The following FRMD4B variants were observed in gnomAD, a reference collection of about 807,000 sequenced individuals.
FRMD4B encodes FERM domain containing 4B, also known as FERM domain-containing protein 4B.
FRMD4B carries 74 observed loss-of-function variants against 141.5 expected under a neutral mutation model. That is an observed-to-expected ratio of 0.52 (90% CI 0.43 to 0.63). The LOEUF is 0.63. Among genes scored for constraint, FRMD4B ranks in the 30% least tolerant of loss-of-function variants. FRMD4B has a pLI of 0.00. For synonymous variants in FRMD4B, 506 were observed against 467.9 expected (o/e 1.08, Z -1.05); for missense variants, 1,366 against 1,253.4 (o/e 1.09, Z -1.36).
At position 69,407,356 on chromosome 3, in the gene FRMD4B, A is replaced by G. The variant is rs1704666574; in HGVS notation, c.-1+25278T>C. The stretch of plus-strand genomic sequence containing the variant: ...TAGATGGGACTTAGGAATATTCTCA[A>G]TGGGGCTTAGTTCCTGGATATCTCT... On this transcript the variant is annotated intron_variant, in intron 2 of 5. Transcript: ENST00000459638. 2.0e-5 allele frequency among the ~76,000 whole-genome samples: 3 copies of G among 152,246 alleles called. No homozygotes were observed. The South Asian group carries it at 6.2e-4, about 32-fold the overall frequency.
At chr3:69,218,410 A>T in intron 9 of FRMD4B, 31 bp from the exon 10 acceptor site, 2 of 1,038,756 alleles carry the variant, frequency 1.9e-6, no homozygotes. Context: ...TCACAATCTT[A>T]TTAAAATAGT....
intron 7 of FRMD4B, among the ~76,000 whole-genome samples, chr3:69,244,775 T>C (rs1040477825): frequency 1.1e-4 from 16 of 152,120 alleles, no homozygotes; most frequent in African/African-American, 3.9e-4. Flanking sequence ...GTGCCTGTAA[T>C]CCCAGTTACT....
intron 1 of FRMD4B, among the ~76,000 whole-genome samples, chr3:69,461,936 T>C (rs1211520461): frequency 6.6e-6 from 1 of 152,130 alleles, no homozygotes; most frequent in Non-Finnish European, 1.5e-5. Context: ...AAATGATTGC[T>C]CCATTTATTT....
intron 1 of FRMD4B, among the ~76,000 whole-genome samples, chr3:69,477,754 G>C (rs1274016504): frequency 6.7e-6 from 1 of 149,312 alleles, no homozygotes; most frequent in East Asian, 2.0e-4. Context: ...TTTTTCTGTT[G>C]ATTGGAATAG....
At chr3:69,177,930 T>A (rs139697255) in intron 21 of FRMD4B, among the ~76,000 whole-genome samples, 1 of 152,072 alleles carries the variant, frequency 6.6e-6, no homozygotes, top group Non-Finnish European at 1.5e-5. Context: ...GGGGTGTGGA[T>A]TGGGGGAAGA....
chr3:69,225,519 C>CAAAAAAA (rs35855787), intron 7 of FRMD4B, among the ~76,000 whole-genome samples: 1 of 50,572 alleles, frequency 2.0e-5, no homozygotes, highest in African/African-American at 8.6e-5. Context: ...ACTAAAAATA[C>CAAAAAAA]AAAAAAAAAA....
intron 5 of FRMD4B, among the ~76,000 whole-genome samples, chr3:69,265,010 C>CTT (rs1035732435): frequency 2.0e-5 from 3 of 151,890 alleles, no homozygotes; most frequent in African/African-American, 7.3e-5. Context: ...AATCCCAACA[C>CTT]TTTGGGAGGC....
chr3:69,488,699 G>A (rs1003984135), intron 1 of FRMD4B, among the ~76,000 whole-genome samples: 44 of 151,804 alleles, frequency 2.9e-4, no homozygotes, highest in Non-Finnish European at 5.7e-4. Flanking sequence ...TCAGGAGTTC[G>A]AGACCAGCCT....
chr3:69,381,115 T>A (rs909283851), intron 1 of FRMD4B, among the ~76,000 whole-genome samples: 8 of 152,220 alleles, frequency 5.3e-5, no homozygotes, highest in Admixed American at 5.2e-4. Context: ...ATAAAGTAAG[T>A]CTTTGTTCAA....
chr3:69,232,007 G>C (rs2093310542), intron 7 of FRMD4B, among the ~76,000 whole-genome samples: 1 of 152,080 alleles, frequency 6.6e-6, no homozygotes, highest in Non-Finnish European at 1.5e-5. Context: ...CTGCACAGAA[G>C]GCCCCTCCCT....
chr3:69,225,490 A>G (rs1424144608), intron 7 of FRMD4B, among the ~76,000 whole-genome samples: 5 of 138,452 alleles, frequency 3.6e-5, no homozygotes, highest in African/African-American at 1.3e-4. Flanking sequence ...CCTGGCTAAC[A>G]CGGTGAAACC....
rs754848099 is a variant in FRMD4B, at chr3:69,176,516, T to C, written c.2984+8A>G. On this transcript the variant is annotated splice_region_variant and intron_variant, in intron 22 of 22. Transcript: ENST00000398540. ...GGCTCCTAGGATTTTCGAGCATTGCTTCCTCACCTGCTTGGAGAGGGTAAA... is the reference window on the plus strand; with the variant it reads ...GGCTCCTAGGATTTTCGAGCATTGCCTCCTCACCTGCTTGGAGAGGGTAAA... 1.9e-6 allele frequency: 3 copies of C among 1,608,970 alleles called. No homozygotes were observed. Among genetic ancestry groups the C allele is most frequent in the Non-Finnish European group, 2.6e-6 (3 of 1,175,746 alleles).
Position 69,529,542 on chromosome 3 carries a change from C to A in FRMD4B, c.-129+12664G>T, listed in dbSNP as rs575942685. On this transcript the variant is annotated intron_variant, in intron 1 of 5. Coordinates refer to the FRMD4B transcript ENST00000459638. ...CTTCCTAACCCCACTGTGCTGCCCA[C>A]ACTGCCCACTCTCTCCTCTCCACAC... Among the ~76,000 whole-genome samples, 51 of 152,256 alleles carry A rather than the reference C, an allele frequency of 3.3e-4. No individual in the cohort carries two copies. The South Asian group carries it at 9.1e-3, about 27-fold the overall frequency.
rs149498722 is a variant in FRMD4B at position 69,357,722 on chromosome 3, C to G, written c.162+28106G>C. 2.4e-4 allele frequency among the ~76,000 whole-genome samples: 36 copies of G among 152,306 alleles called. No homozygotes were observed. The East Asian group carries it at 6.2e-3, about 26-fold the overall frequency. ...TGCCAGACGCACCATAAAATCACAACAGAGGCAATGTATTGCAGTTTTCCA... is the reference window on the plus strand; with the variant it reads ...TGCCAGACGCACCATAAAATCACAAGAGAGGCAATGTATTGCAGTTTTCCA... On this transcript the variant is annotated intron_variant, in intron 1 of 22. Coordinates refer to ENST00000398540, the MANE Select transcript of FRMD4B (RefSeq NM_015123.3).
At chr3:69,401,403 G>A (rs1274876319) in intron 2 of FRMD4B, among the ~76,000 whole-genome samples, 1 of 152,084 alleles carries the variant, frequency 6.6e-6, no homozygotes, top group Non-Finnish European at 1.5e-5. Context: ...GATTCCTGAA[G>A]TTTTTTTATT....
chr3:69,278,218 C>G (rs1321306886), intron 5 of FRMD4B, among the ~76,000 whole-genome samples: 1 of 152,188 alleles, frequency 6.6e-6, no homozygotes, highest in Non-Finnish European at 1.5e-5. Context: ...AAAAGAATTT[C>G]ACATACAGAT....
At chr3:69,191,285 T>C (rs1236066875) in intron 17 of FRMD4B, among the ~76,000 whole-genome samples, 2 of 151,974 alleles carry the variant, frequency 1.3e-5, no homozygotes, top group Non-Finnish European at 2.9e-5. Flanking sequence ...CCAAGCATGG[T>C]GGTGTATGCC....
chr3:69,277,026 T>C (rs2106966574), intron 5 of FRMD4B, among the ~76,000 whole-genome samples: 1 of 152,318 alleles, frequency 6.6e-6, no homozygotes, highest in Middle Eastern at 3.4e-3. Context: ...CGAAGTTGGC[T>C]AATGAAAGGG....
At chr3:69,479,514 T>A (rs918540993) in intron 1 of FRMD4B, among the ~76,000 whole-genome samples, 46 of 152,306 alleles carry the variant, frequency 3.0e-4, no homozygotes, top group African/African-American at 1.0e-3. Flanking sequence ...TTCTTTTCTT[T>A]AATAATGTTG....
Sources: allele counts gnomAD v4.1 joint callset (sites outside exome capture counted in the v4.1 genomes callset), GRCh38; gene constraint gnomAD v4.1.1; transcripts MANE v1.5; gene names NCBI Gene and HGNC (gene_info 2026-07-23, HGNC 2026-07-21).